The following SLC67A1 variants were observed in gnomAD, a reference collection of about 807,000 sequenced individuals.
SLC67A1 encodes the protein solute carrier family 67 member A1.
At chr11:2,918,277 C>T in the SLC67A1 span, among the ~76,000 whole-genome samples, 5 of 152,280 alleles carry the variant, frequency 3.3e-5, no homozygotes, top group Admixed American at 2.6e-4. Context: ...CTACACTGCA[C>T]ACCTGCAGAT....
chr11:2,901,630 G>A, the SLC67A1 span, among the ~76,000 whole-genome samples: 1 of 152,246 alleles, frequency 6.6e-6, no homozygotes, highest in Non-Finnish European at 1.5e-5. Flanking sequence ...GGCGGCATGA[G>A]GCTTGTTTAC....
At chr11:2,909,488 C>T in the SLC67A1 span, 1 of 825,912 alleles carries the variant, frequency 1.2e-6, no homozygotes, top group Non-Finnish European at 1.5e-6. Context: ...TGGGGGGCGA[C>T]GTGGGGCGTG....
the SLC67A1 span, chr11:2,917,015 A>C: frequency 4.1e-6 from 2 of 488,592 alleles, no homozygotes; most frequent in Non-Finnish European, 7.6e-6. Flanking sequence ...GGAGGCCCAG[A>C]CAGGGAAGGT....
the SLC67A1 span, chr11:2,918,193 C>T: frequency 8.1e-6 from 7 of 867,532 alleles, no homozygotes; most frequent in African/African-American, 1.2e-4. Context: ...CCCACAGGTC[C>T]ACACAGATGT....
chr11:2,914,767 C>T, the SLC67A1 span: 1 of 985,442 alleles, frequency 1.0e-6, no homozygotes, highest in Non-Finnish European at 1.2e-6. Context: ...GCAAATAAGG[C>T]AGGTTTTGCC....
At chr11:2,921,983 A>T in the SLC67A1 span, 1 of 747,612 alleles carries the variant, frequency 1.3e-6, no homozygotes, top group Non-Finnish European at 2.4e-6. Flanking sequence ...TTCTCTGCAG[A>T]GGGGCCCTGG....
chr11:2,924,957 G>A, the SLC67A1 span: 2 of 1,515,480 alleles, frequency 1.3e-6, no homozygotes, highest in Non-Finnish European at 1.8e-6. The surrounding 1 kb of genome is among the most constrained non-coding windows in gnomAD (Gnocchi z 8.6). Flanking sequence ...CAGGAAGTGG[G>A]CAGTTGGCCC....
chr11:2,909,680 T>G, the SLC67A1 span: 6 of 1,542,908 alleles, frequency 3.9e-6, no homozygotes, highest in Non-Finnish European at 5.2e-6. Context: ...CTCGGCTCCC[T>G]GCTGGGCGGG....
At chr11:2,909,661 G>C in the SLC67A1 span, 12 of 1,540,120 alleles carry the variant, frequency 7.8e-6, no homozygotes, top group East Asian at 2.5e-5. Flanking sequence ...CTTCGGCGTC[G>C]GAGTCATCCT....
chr11:2,922,314 C>A, the SLC67A1 span: 2 of 1,507,104 alleles, frequency 1.3e-6, no homozygotes, highest in Non-Finnish European at 9.1e-7. Context: ...CCCCCCACAC[C>A]CACCCGGGGC....
At chr11:2,906,276 T>C in the SLC67A1 span, among the ~76,000 whole-genome samples, 1 of 152,230 alleles carries the variant, frequency 6.6e-6, no homozygotes, top group Admixed American at 6.5e-5. Flanking sequence ...TTGGTGGGAC[T>C]GTAAACTAGT....
the SLC67A1 span, chr11:2,925,015 A>G: frequency 6.2e-7 from 1 of 1,610,138 alleles, no homozygotes; most frequent in South Asian, 1.1e-5. This position sits in a 1 kb window ranked among gnomAD's most constrained non-coding sequence, Gnocchi z 6.5. Flanking sequence ...CCCAGGGACC[A>G]TGCTGGGCCT....
At chr11:2,918,689 A>G in the SLC67A1 span, among the ~76,000 whole-genome samples, 2 of 146,414 alleles carry the variant, frequency 1.4e-5, no homozygotes, top group Non-Finnish European at 3.0e-5. Context: ...CCAAGTTACT[A>G]ACCTCAGTAA....
chr11:2,899,753 C>T, the SLC67A1 span: 1 of 1,437,746 alleles, frequency 7.0e-7, no homozygotes, highest in African/African-American at 1.4e-5. Context: ...ATTTCCTCTG[C>T]TCAACCAGTT....
At chr11:2,908,178 T>C in the SLC67A1 span, 4 of 1,286,470 alleles carry the variant, frequency 3.1e-6, no homozygotes, top group East Asian at 9.3e-5. Flanking sequence ...GACCCCAGAT[T>C]CTAGGCCCTG....
chr11:2,911,719 C>T, the SLC67A1 span, among the ~76,000 whole-genome samples: 2 of 152,204 alleles, frequency 1.3e-5, no homozygotes, highest in Non-Finnish European at 2.9e-5. Context: ...GGTCCGAGCT[C>T]GCTCAGGCAG....
the SLC67A1 span, among the ~76,000 whole-genome samples, chr11:2,914,347 G>A: frequency 6.6e-6 from 1 of 152,188 alleles, no homozygotes; most frequent in African/African-American, 2.4e-5. Flanking sequence ...TGACGGCACC[G>A]TGCTAAGGGT....
At chr11:2,910,374 T>C in the SLC67A1 span, among the ~76,000 whole-genome samples, 1 of 152,236 alleles carries the variant, frequency 6.6e-6, no homozygotes, top group Admixed American at 6.5e-5. Context: ...CTGAGCTACA[T>C]GGAGCAAAAA....
the SLC67A1 span, among the ~76,000 whole-genome samples, chr11:2,910,880 G>A: frequency 6.6e-6 from 1 of 152,208 alleles, no homozygotes; most frequent in East Asian, 1.9e-4. Flanking sequence ...GTGCCTGTCA[G>A]GCACTCCAGG....
Sources: allele counts gnomAD v4.1 joint callset (sites outside exome capture counted in the v4.1 genomes callset), GRCh38; gene constraint gnomAD v4.1.1; non-coding constraint Gnocchi (gnomAD v3.1); transcripts MANE v1.5; gene names NCBI Gene and HGNC (gene_info 2026-07-23, HGNC 2026-07-21).